The following MGST1 variants were observed in gnomAD, a reference collection of about 807,000 sequenced individuals.
MGST1 encodes glutathione S-transferase 12.
In MGST1, 5 loss-of-function variants were observed where a neutral mutation model predicts 8.9. The ratio of observed to expected loss-of-function variants is 0.56; its 90% CI spans 0.29 to 1.19. MGST1 has a LOEUF of 1.19. MGST1 is among the 50% of genes most tolerant of loss of function. The pLI, the probability that MGST1 is intolerant of heterozygous loss-of-function variation, is 0.08. For synonymous variants in MGST1, 54 were observed against 67.8 expected, an observed-to-expected ratio of 0.80 and a Z score of 1.00; for missense variants, 182 against 187.4, an observed-to-expected ratio of 0.97 and a Z score of 0.17.
chr12:16,404,461 C>T (rs771579171), intron 1 of MGST1, among the ~76,000 whole-genome samples: 19 of 151,884 alleles, frequency 1.3e-4, no homozygotes, highest in Non-Finnish European at 1.3e-4. Context: ...TGAATTTATA[C>T]CTATGATTCA....
intron 1 of MGST1, among the ~76,000 whole-genome samples, chr12:16,394,562 C>T (rs1565446449): frequency 9.3e-5 from 6 of 64,298 alleles, no homozygotes; most frequent in Non-Finnish European, 2.0e-4. Context: ...TTCTTTCTTT[C>T]TTTCTTTCTT....
chr12:16,539,055 C>G lies in MGST1; in HGVS notation n.483-50473C>G, dbSNP rs145929022. 6.1e-3 allele frequency among the ~76,000 whole-genome samples: 933 copies of G among 152,282 alleles called. 4 individuals are homozygous for G. Among genetic ancestry groups the G allele is most frequent in the Admixed American group, 9.9e-3 (152 of 15,298 alleles). On this transcript the variant is annotated intron_variant and non_coding_transcript_variant, in intron 4 of 4. Transcript: ENST00000538857. Reference sequence around the variant, plus strand: ...ACCACCCCCATGATTCAAATTATCTCCCACCAGCTCTCTCCCACAACATGT... The same window carrying G: ...ACCACCCCCATGATTCAAATTATCTGCCACCAGCTCTCTCCCACAACATGT...
intron 4 of MGST1, among the ~76,000 whole-genome samples, chr12:16,449,506 A>C (rs1941112093): frequency 6.6e-6 from 1 of 151,976 alleles, no homozygotes; most frequent in Admixed American, 6.6e-5. Context: ...ACAGTAATAC[A>C]TGTCCAGGTG....
chr12:16,470,916 A>ATT (rs1207308449), intron 4 of MGST1, among the ~76,000 whole-genome samples: 1 of 152,228 alleles, frequency 6.6e-6, no homozygotes, highest in African/African-American at 2.4e-5. Context: ...ATTTGAGGGT[A>ATT]TTTTAAAACT....
chr12:16,463,090 A>C (rs542171503), intron 4 of MGST1, among the ~76,000 whole-genome samples: 1 of 152,226 alleles, frequency 6.6e-6, no homozygotes, highest in African/African-American at 2.4e-5. Flanking sequence ...TCTATTTTTT[A>C]ATGTTATGTT....
chr12:16,436,960 G>A (rs1940992235), intron 1 of MGST1, among the ~76,000 whole-genome samples: 3 of 151,966 alleles, frequency 2.0e-5, no homozygotes, highest in Admixed American at 1.3e-4. Context: ...AGAAAATTGT[G>A]TAATTCTGGC....
At chr12:16,538,733 T>A (rs1031325605) in intron 4 of MGST1, among the ~76,000 whole-genome samples, 1 of 151,686 alleles carries the variant, frequency 6.6e-6, no homozygotes, top group African/African-American at 2.4e-5. Context: ...CTCAGCCTCC[T>A]GAGTAGCTGG....
rs1940535513 is a variant in MGST1, at chr12:16,389,921, AAG to A, written n.778+6322_778+6323del. ...GATTGCGTAAGTAGAAAAAGAGAAA[AAG>A]AGAGCAATGCTCTTGTGAAAAGGGA... is the stretch of plus-strand genomic sequence containing the variant. On this transcript the variant is annotated intron_variant and non_coding_transcript_variant, in intron 1 of 1. Coordinates refer to the MGST1 transcript ENST00000359720. This position sits in a 1 kb window ranked among gnomAD's most constrained non-coding sequence, Gnocchi z 4.6. Among the ~76,000 whole-genome samples the A allele has an allele frequency of 6.6e-6, 1 of 152,156 alleles. No individual in the cohort carries two copies. The highest frequency in any genetic ancestry group is 1.5e-5 in the Non-Finnish European group (1 of 68,014).
chr12:16,359,555 G>A (rs1939892415), intron 3 of MGST1, among the ~76,000 whole-genome samples: 1 of 152,050 alleles, frequency 6.6e-6, no homozygotes, highest in African/African-American at 2.4e-5. Context: ...AATCACTGTG[G>A]AAATTTCAAA....
chr12:16,491,022 G>A (rs536202616), intron 4 of MGST1, among the ~76,000 whole-genome samples: 1 of 152,050 alleles, frequency 6.6e-6, no homozygotes, highest in African/African-American at 2.4e-5. Context: ...TTACTCATTG[G>A]GCAACATCCT....
intron 4 of MGST1, among the ~76,000 whole-genome samples, chr12:16,463,941 A>G (rs1353878562): frequency 6.6e-6 from 1 of 152,210 alleles, no homozygotes; most frequent in Non-Finnish European, 1.5e-5. Context: ...CATAACGTAT[A>G]TGACTGGCTA....
At chr12:16,523,130 C>T (rs919717037) in intron 4 of MGST1, among the ~76,000 whole-genome samples, 1 of 151,804 alleles carries the variant, frequency 6.6e-6, no homozygotes, top group Non-Finnish European at 1.5e-5. Context: ...AACATTAAAA[C>T]AATCTGTCAG....
downstream of MGST1, among the ~76,000 whole-genome samples, chr12:16,439,347 A>T (rs1254745037): frequency 1.3e-5 from 2 of 151,904 alleles, no homozygotes; most frequent in African/African-American, 2.4e-5. Flanking sequence ...TGGTAAGAAG[A>T]TGGAAACCCA....
At chr12:16,375,352 TA>T (rs1215477939) in intron 3 of MGST1, among the ~76,000 whole-genome samples, 1 of 152,188 alleles carries the variant, frequency 6.6e-6, no homozygotes, top group Non-Finnish European at 1.5e-5. Flanking sequence ...ACATAATGAT[TA>T]AATTAATTAA....
At chr12:16,378,490 T>C (rs1940414873), downstream of MGST1, among the ~76,000 whole-genome samples, 1 of 152,198 alleles carries the variant, frequency 6.6e-6, no homozygotes, top group Admixed American at 6.5e-5. Flanking sequence ...GGCTCTGTTC[T>C]GTTCCATTGG....
intron 1 of MGST1, among the ~76,000 whole-genome samples, chr12:16,426,131 A>G (rs975505621): frequency 6.6e-6 from 1 of 152,154 alleles, no homozygotes; most frequent in Non-Finnish European, 1.5e-5. Flanking sequence ...CTGCTCAACA[A>G]AATGTCTCAT....
At chr12:16,421,530 A>G (rs991982806) in intron 1 of MGST1, among the ~76,000 whole-genome samples, 2 of 152,208 alleles carry the variant, frequency 1.3e-5, no homozygotes, top group African/African-American at 4.8e-5. Context: ...CTGCAGATCT[A>G]GGATCTACAG....
chr12:16,514,548 G>T (rs1941599003), intron 4 of MGST1, among the ~76,000 whole-genome samples: 1 of 149,842 alleles, frequency 6.7e-6, no homozygotes, highest in South Asian at 2.5e-4. Context: ...GCCCGAACAG[G>T]TGGAAAGGAT....
chr12:16,590,338 T>C (rs1943451981), downstream of MGST1, among the ~76,000 whole-genome samples: 1 of 152,196 alleles, frequency 6.6e-6, no homozygotes, highest in African/African-American at 2.4e-5. Context: ...AAGAATGTAA[T>C]TCACGAAATT....
Sources: allele counts gnomAD v4.1 joint callset (sites outside exome capture counted in the v4.1 genomes callset), GRCh38; gene constraint gnomAD v4.1.1; non-coding constraint Gnocchi (gnomAD v3.1); transcripts MANE v1.5; gene names NCBI Gene and HGNC (gene_info 2026-07-23, HGNC 2026-07-21).